CD109: variants seen among roughly 807,000 people sequenced by gnomAD.
The protein encoded by CD109 is CD109 antigen.
A neutral mutation model predicts 165.8 loss-of-function variants in CD109; 149 were observed. That is an observed-to-expected ratio of 0.90 (90% CI 0.79 to 1.03). The LOEUF (loss-of-function observed/expected upper bound fraction) is 1.03, where lower values mean the gene tolerates loss of function less well. Among genes scored for constraint, CD109 ranks in the 50% least tolerant of loss-of-function variants. CD109 has a pLI of 0.00. For missense variants in CD109, 1,712 were observed against 1,677.8 expected (o/e 1.02, Z -0.36); for synonymous variants, 585 against 592.1 (o/e 0.99, Z 0.18).
intron 4 of CD109, among the ~76,000 whole-genome samples, chr6:73,732,588 A>G (rs762145014): frequency 4.6e-5 from 7 of 152,226 alleles, no homozygotes; most frequent in Non-Finnish European, 1.0e-4. Flanking sequence ...GGATGTGTAC[A>G]ATAGATGGTT....
Position 73,702,557 on chromosome 6 carries a change from T to C in CD109, c.247+4985T>C, listed in dbSNP as rs116022887. On this transcript the variant is annotated intron_variant, in intron 2 of 32. Coordinates refer to ENST00000287097, the MANE Select transcript of CD109 (RefSeq NM_133493.5). ...GTAGGCTTTTCATTCACACATCGTC[T>C]TTGTTCTTGTGTGTGATGTATATTA... Among the ~76,000 whole-genome samples the C allele has an allele frequency of 1.9e-3, 296 of 152,332 alleles. 4 individuals carry two copies. The highest frequency in any genetic ancestry group is 6.8e-3 in the African/African-American group (282 of 41,570).
At chr6:73,800,627 A>G (rs1300680086) in intron 23 of CD109, among the ~76,000 whole-genome samples, 1 of 152,186 alleles carries the variant, frequency 6.6e-6, no homozygotes, top group African/African-American at 2.4e-5. Flanking sequence ...CTGATGGGAG[A>G]GAAATGGTAT....
At chr6:73,808,805 G>GGTGTGT (rs10552233) in intron 26 of CD109, among the ~76,000 whole-genome samples, 5 of 145,986 alleles carry the variant, frequency 3.4e-5, no homozygotes, top group African/African-American at 5.0e-5. Context: ...CAGGGATCCA[G>GGTGTGT]GTGTGTGTGT....
chr6:73,778,158 T>A (rs11965649), intron 15 of CD109, among the ~76,000 whole-genome samples: 1 of 152,300 alleles, frequency 6.6e-6, no homozygotes, highest in East Asian at 1.9e-4. Flanking sequence ...GTATTTTATC[T>A]TTCTGTGGCA....
chr6:73,782,962 C>A (rs1349236224), intron 18 of CD109, among the ~76,000 whole-genome samples: 1 of 148,608 alleles, frequency 6.7e-6, no homozygotes, highest in African/African-American at 2.5e-5. Flanking sequence ...AAGGTCTCAT[C>A]AATGAGAAGA....
chr6:73,737,018 T>C (rs1772571659), intron 5 of CD109, among the ~76,000 whole-genome samples: 1 of 152,148 alleles, frequency 6.6e-6, no homozygotes, highest in African/African-American at 2.4e-5. Flanking sequence ...GAAATCTAAA[T>C]GGAGGGCATT....
intron 32 of CD109, among the ~76,000 whole-genome samples, chr6:73,821,828 A>G (rs528988429): frequency 6.6e-6 from 1 of 152,198 alleles, no homozygotes; most frequent in African/African-American, 2.4e-5. Flanking sequence ...GCATCACATA[A>G]TATACCCTTG....
intron 2 of CD109, among the ~76,000 whole-genome samples, chr6:73,707,466 T>C (rs528290924): frequency 3.0e-4 from 45 of 152,166 alleles, no homozygotes; most frequent in African/African-American, 8.9e-4. Flanking sequence ...CACTACTGTT[T>C]TGGAAGGAAT....
intron 8 of CD109, 63 bp from the exon 9 acceptor site, chr6:73,762,678 G>GT: frequency 7.3e-7 from 1 of 1,372,084 alleles, no homozygotes; most frequent in Non-Finnish European, 1.0e-6. Context: ...CTTAGTTTGA[G>GT]TTTTATTTCT....
upstream of CD109, chr6:73,695,891 A>AGGGGGCGCGCTCTGTTCTCCGCGGCC (rs1770803182): frequency 1.1e-5 from 4 of 370,394 alleles, no homozygotes; most frequent in South Asian, 9.6e-5. Context: ...TGGGCCGGGG[A>AGGGGGCGCGCTCTGTTCTCCGCGGCC]AGTGGGCGCG....
the CD109 span, among the ~76,000 whole-genome samples, chr6:73,682,425 C>G: frequency 9.2e-5 from 14 of 152,334 alleles, no homozygotes; most frequent in East Asian, 2.7e-3. Flanking sequence ...CCAGGTCATG[C>G]TGATGAAAGA....
intron 32 of CD109, among the ~76,000 whole-genome samples, chr6:73,822,159 A>G (rs960916827): frequency 6.6e-6 from 1 of 152,204 alleles, no homozygotes; most frequent in African/African-American, 2.4e-5. Context: ...AGATGGCCCA[A>G]GTTTAATAGG....
At position 73,696,264 on chromosome 6, in the gene CD109, A is replaced by G. The variant is rs74745681; in HGVS notation, c.49A>G (p.Thr17Ala). The G allele has an allele frequency of 2.6e-6, 4 of 1,532,494 alleles. No individual in the cohort carries two copies. Among genetic ancestry groups the G allele is most frequent in the Non-Finnish European group, 3.5e-6 (4 of 1,145,130 alleles). The allele number at this position is 1,532,494 out of a possible 1,614,324, so 94.9% of individuals were successfully genotyped here. The change falls in exon 1 of 33, where the codon ACC becomes GCC. Residue 17 changes from threonine to alanine, a missense_variant. Thr to Ala is a moderately conservative substitution (Grantham distance 58). Coordinates refer to ENST00000287097, the MANE Select transcript of CD109 (RefSeq NM_133493.5). ...LTAAHLLCVCTAALAVAPGPR... is the reference protein window; with the variant it reads ...LTAAHLLCVCAAALAVAPGPR... ...CGCCGCCCACCTCCTCTGCGTGTGCACCGCCGCGCTGGCCGTGGCTCCCGG... is the reference window on the plus strand; with the variant it reads ...CGCCGCCCACCTCCTCTGCGTGTGCGCCGCCGCGCTGGCCGTGGCTCCCGG...
chr6:73,738,250 C>T (rs975462256), intron 5 of CD109, among the ~76,000 whole-genome samples: 1 of 152,194 alleles, frequency 6.6e-6, no homozygotes, highest in Non-Finnish European at 1.5e-5. Flanking sequence ...GCTCTGTTCT[C>T]CTTTCACTCT....
intron 31 of CD109, 64 bp downstream of exon 31, chr6:73,818,599 CTTACT>C: frequency 2.7e-6 from 4 of 1,462,988 alleles, no homozygotes; most frequent in Non-Finnish European, 3.7e-6. Flanking sequence ...AGGTGTCTAC[CTTACT>C]TTAAGTATGT....
chr6:73,796,911 C>G (rs1775185955), intron 23 of CD109, among the ~76,000 whole-genome samples: 1 of 152,178 alleles, frequency 6.6e-6, no homozygotes, highest in African/African-American at 2.4e-5. Flanking sequence ...ACATGCTGAA[C>G]TAAATTATAT....
In CD109 at chr6:73,823,605, T is replaced by G. The variant is rs1379660089; in HGVS notation, c.4310T>G (p.Leu1437Arg). The G allele has an allele frequency of 6.2e-7, 1 of 1,612,510 alleles. No individual in the cohort carries two copies. The highest frequency in any genetic ancestry group is 1.7e-5 in the Admixed American group (1 of 59,968). The change falls in exon 33 of 33, where the codon CTT (leucine) becomes CGT (arginine). Residue 1437 changes from leucine (L) to arginine (R), a missense_variant. Coordinates refer to ENST00000287097, the MANE Select transcript of CD109 (RefSeq NM_133493.5). ...SSVIFIFCFK[L>R]LYFMELWL ...GTCATTTTTATTTTCTGTTTCAAGC[T>G]TCTGTACTTTATGGAACTTTGGCTG...
chr6:73,696,312 G>C, intron 1 of CD109, 23 bp downstream of exon 1: 1 of 1,384,606 alleles, frequency 7.2e-7, no homozygotes, highest in Non-Finnish European at 9.4e-7. Flanking sequence ...GCGCGCGGGG[G>C]GCGCGCGGGC....
At chr6:73,790,856 C>A (rs1774899267) in intron 22 of CD109, among the ~76,000 whole-genome samples, 1 of 151,988 alleles carries the variant, frequency 6.6e-6, no homozygotes. Context: ...CACTCAGAAG[C>A]AATGCTTAAT....
Sources: allele counts gnomAD v4.1 joint callset (sites outside exome capture counted in the v4.1 genomes callset), GRCh38; gene constraint gnomAD v4.1.1; transcripts MANE v1.5; gene names NCBI Gene and HGNC (gene_info 2026-07-23, HGNC 2026-07-21).